Variants in MYO1C observed in about 807,000 individuals in gnomAD.
The protein encoded by MYO1C is unconventional myosin-Ic.
Under a neutral mutation model 150.8 loss-of-function variants are expected in MYO1C, and 104 were observed. The observed-to-expected ratio is 0.69, with a 90% CI of 0.59 to 0.81. MYO1C has a LOEUF of 0.81. Among genes scored for constraint, MYO1C ranks in the 30% least tolerant of loss-of-function variants. The probability of loss-of-function intolerance (pLI) is 0.00; values close to 1 mark genes in which losing one functional copy is unlikely to be tolerated. For synonymous variants in MYO1C, 663 were observed against 579.9 expected (o/e 1.14, Z -2.06); for missense variants, 1,504 against 1,435.0 (o/e 1.05, Z -0.78).
Position 1,478,130 on chromosome 17 carries a change from G to A in MYO1C, c.1358C>T (p.Thr453Met), listed in dbSNP as rs901689744. ...GTACTCCTCCTGCTCCGACTTGAGC[G>A]TGAGCTCGATGAAGAGCTGCTGCAG... ...EKLQQLFIELTLKSEQEEYEA... is the reference protein window; with the variant it reads ...EKLQQLFIELMLKSEQEEYEA... Residue 453 changes from threonine (T) to methionine (M), a missense_variant, in exon 12 of 32, where the codon ACG becomes ATG. Physicochemically the swap from Thr to Met is moderately conservative, Grantham distance 81 (BLOSUM62 -1). Coordinates refer to ENST00000648651, the MANE Select transcript of MYO1C (RefSeq NM_001080779.2). The surrounding 1 kb of genome is among the most constrained non-coding windows in gnomAD (Gnocchi z 6.3). The A allele has an allele frequency of 6.8e-6, 11 of 1,614,080 alleles. 1 individual carries two copies. Among genetic ancestry groups the A allele is most frequent in the Admixed American group, 3.3e-5 (2 of 60,032 alleles).
intron 25 of MYO1C, chr17:1,469,249 G>A (rs1020595113): frequency 3.6e-5 from 17 of 468,736 alleles, no homozygotes; most frequent in Middle Eastern, 6.2e-4. Flanking sequence ...TACTATAGAC[G>A]GGGTAAATAC....
At chr17:1,491,591 A>T in intron 1 of MYO1C, 1 of 977,752 alleles carries the variant, frequency 1.0e-6, no homozygotes, top group Non-Finnish European at 1.2e-6. Flanking sequence ...CCGCGCCCCG[A>T]GTACCCACCG....
chr17:1,472,168 GCTCCTTAGA>G lies in MYO1C; in HGVS notation c.1849_1857del (p.Ser617_Glu619del), dbSNP rs1301539129. On this transcript the variant is annotated inframe_deletion, in exon 18 of 32. Transcript: ENST00000648651. Reference sequence around the variant, plus strand: ...GGTTTGATGCAGCGGACGTAGGCGGGCTCCTTAGACTGCAGGATCTCCACCAGCTGCAGG... The same window carrying G: ...GGTTTGATGCAGCGGACGTAGGCGGGCTGCAGGATCTCCACCAGCTGCAGG... The G allele has an allele frequency of 6.2e-7, 1 of 1,614,044 alleles. No homozygotes were observed. Among genetic ancestry groups the G allele is most frequent in the African/African-American group, 1.3e-5 (1 of 74,932 alleles).
chr17:1,485,662 C>G lies in MYO1C; in HGVS notation c.76-1359G>C, dbSNP rs756043863. ...CGAGGTGGGGAGGGACGCCCGGGAC[C>G]CCCCGCCCTGCCCCGCCGCCCCCAG... On this transcript the variant is annotated intron_variant, in intron 1 of 31. Transcript: ENST00000648651. 1.3e-3 allele frequency: 1,586 copies of G among 1,209,970 alleles called. 1 individual carries two copies. The highest frequency in any genetic ancestry group is 1.5e-3 in the Non-Finnish European group (1,451 of 966,146). The allele number at this position is 1,209,970 out of a possible 1,614,324, so 75.0% of individuals were successfully genotyped here. A position where few individuals can be genotyped will look rare whatever the true frequency, so the allele number is the denominator to read the frequency against.
intron 17 of MYO1C, 32 bp downstream of exon 17, chr17:1,474,578 C>G (rs529514119): frequency 6.2e-7 from 1 of 1,601,822 alleles, no homozygotes; most frequent in Admixed American, 1.7e-5. Flanking sequence ...CAGGCGCATG[C>G]ACCCCTGCGC....
At chr17:1,492,073 G>C (rs1204764390) in intron 1 of MYO1C, 2 of 357,318 alleles carry the variant, frequency 5.6e-6, no homozygotes, top group East Asian at 1.4e-4. Context: ...GGAGAGGAGC[G>C]GGGCGTTGAC....
intron 5 of MYO1C, 184 bp from the exon 6 acceptor site, chr17:1,481,069 T>C (rs1004996587): frequency 1.6e-6 from 1 of 628,258 alleles, no homozygotes; most frequent in African/African-American, 1.8e-5. Flanking sequence ...ATCTAGGAAA[T>C]GGGGAGATTC....
rs2074136702 is a variant in MYO1C, at chr17:1,464,765, C to T, written c.*961G>A. 1 of 152,344 alleles carries T rather than the reference C, an allele frequency of 6.6e-6. No homozygotes were observed. The highest frequency in any genetic ancestry group is 6.6e-5 in the Admixed American group (1 of 15,252). 9.4% of individuals were successfully genotyped at this position (152,344 alleles called of 1,614,324 possible). On this transcript the variant is annotated 3_prime_UTR_variant, in exon 32 of 32. Coordinates refer to ENST00000648651, the MANE Select transcript of MYO1C (RefSeq NM_001080779.2). ...CTCTATGGTCTAAGACGGCCTTCCC[C>T]ACTCCAGCACTGCCTCAAACTGGGA...
At chr17:1,470,832 A>C in intron 21 of MYO1C, 143 bp from the exon 22 acceptor site, 2 of 672,566 alleles carry the variant, frequency 3.0e-6, no homozygotes, top group Non-Finnish European at 4.8e-6. Flanking sequence ...AGAAGAATGA[A>C]TGTGGGGACT....
At chr17:1,484,381 G>C in intron 1 of MYO1C, 78 bp from the exon 2 acceptor site, 1 of 1,549,964 alleles carries the variant, frequency 6.5e-7, no homozygotes, top group Non-Finnish European at 8.8e-7. Context: ...CTGTGGGACT[G>C]AGAGGGAACG....
intron 1 of MYO1C, among the ~76,000 whole-genome samples, chr17:1,491,849 C>T (rs2074739138): frequency 6.6e-6 from 1 of 151,816 alleles, no homozygotes; most frequent in African/African-American, 2.4e-5. Flanking sequence ...AACACGCGCG[C>T]GCCCCTCCGG....
At position 1,469,714 on chromosome 17, in the gene MYO1C, C is replaced by G. The variant is rs2074258938; in HGVS notation, c.2527-100G>C. 4 of 984,068 alleles carry G rather than the reference C, an allele frequency of 4.1e-6. No homozygotes were observed. In the African/African-American group the frequency reaches 6.4e-5, roughly 16 times the overall value. The allele number at this position is 984,068 out of a possible 1,614,324, so 61.0% of individuals were successfully genotyped here. A position where few individuals can be genotyped will look rare whatever the true frequency, so the allele number is the denominator to read the frequency against. On this transcript the variant is annotated intron_variant, in intron 24 of 31. Transcript: ENST00000648651. ...TGCATCCTTTGGATAAGTAACACCC[C>G]CTCCATCTGGAGACGCTTCCGGTCA...
At chr17:1,488,075 G>A (rs912095603) in intron 1 of MYO1C, among the ~76,000 whole-genome samples, 1 of 152,204 alleles carries the variant, frequency 6.6e-6, no homozygotes, top group African/African-American at 2.4e-5. Flanking sequence ...GAGGCGTGGG[G>A]GACTCGGGCC....
In MYO1C at chr17:1,478,697, T is replaced by C; in HGVS notation, c.1131A>G (p.Ala377=). ...ACACAGCCTTGGCGAGGGCGTCTCG[T>C]GCGTACGCGGCCTGCTCCAGGTTCA... ...SPLNLEQAAY[A]RDALAKAVYS... Residue 377 remains alanine, a synonymous_variant, in exon 10 of 32, where the codon GCA becomes GCG. Coordinates refer to ENST00000648651, the MANE Select transcript of MYO1C (RefSeq NM_001080779.2). The surrounding 1 kb of genome is among the most constrained non-coding windows in gnomAD (Gnocchi z 6.3). 6.2e-7 allele frequency: 1 copy of C among 1,614,154 alleles called. No individual in the cohort carries two copies. Among genetic ancestry groups the C allele is most frequent in the South Asian group, 1.1e-5 (1 of 91,088 alleles).
intron 1 of MYO1C, among the ~76,000 whole-genome samples, chr17:1,487,503 C>A (rs2074677911): frequency 6.6e-6 from 1 of 152,182 alleles, no homozygotes; most frequent in Non-Finnish European, 1.5e-5. Flanking sequence ...GCCCTGGGGA[C>A]CCCCGAGCGG....
intron 25 of MYO1C, chr17:1,468,990 A>G: frequency 3.6e-6 from 1 of 281,510 alleles, no homozygotes; most frequent in East Asian, 9.1e-5. Flanking sequence ...AATCAAGGGC[A>G]GTTGGCCCAC....
chr17:1,474,010 C>T (rs897781331), intron 17 of MYO1C, among the ~76,000 whole-genome samples: 1 of 152,088 alleles, frequency 6.6e-6, no homozygotes, highest in East Asian at 1.9e-4. Flanking sequence ...TGACAGCAAC[C>T]GCACAGAGGC....
chr17:1,473,917 G>A (rs1288326376), intron 17 of MYO1C, among the ~76,000 whole-genome samples: 6 of 152,226 alleles, frequency 3.9e-5, no homozygotes, highest in South Asian at 2.1e-4. Context: ...CTGTGCACAT[G>A]TTGCTGCAGG....
At chr17:1,487,647 G>A (rs1023201763) in intron 1 of MYO1C, among the ~76,000 whole-genome samples, 2 of 152,168 alleles carry the variant, frequency 1.3e-5, no homozygotes, top group Non-Finnish European at 2.9e-5. Flanking sequence ...GCCGGGCGCG[G>A]TGGCTCACGC....
Sources: gnomAD v4.1 joint callset for allele counts (sites outside exome capture counted in the v4.1 genomes callset) on GRCh38, gnomAD v4.1.1 for gene constraint, Gnocchi (gnomAD v3.1) non-coding constraint, MANE v1.5 for transcripts, NCBI Gene and HGNC (gene_info 2026-07-23, HGNC 2026-07-21) for gene names.